The following CPQ variants were observed in gnomAD, a reference collection of about 807,000 sequenced individuals.
The protein encoded by CPQ is carboxypeptidase Q.
Under a neutral mutation model 45.7 loss-of-function variants are expected in CPQ, and 37 were observed. That is an observed-to-expected ratio of 0.81 (90% CI 0.62 to 1.07). The LOEUF is 1.07. Ranked by LOEUF, CPQ falls within the 50% of genes least tolerant of loss-of-function variation. The probability of loss-of-function intolerance (pLI) is 0.00; values close to 1 mark genes in which losing one functional copy is unlikely to be tolerated. For synonymous variants in CPQ, 186 were observed against 205.8 expected (o/e 0.90, Z 0.82); for missense variants, 537 against 572.9 (o/e 0.94, Z 0.64).
At chr8:97,047,830 G>A (rs1236817468) in intron 6 of CPQ, among the ~76,000 whole-genome samples, 6 of 152,126 alleles carry the variant, frequency 3.9e-5, no homozygotes, top group Non-Finnish European at 8.8e-5. Flanking sequence ...AAAAGACTGC[G>A]TTCAGAGCGG....
rs112525965 is a variant in CPQ at position 96,803,048 on chromosome 8, C to T, written c.433+17718C>T. The stretch of plus-strand genomic sequence containing the variant: ...GGCCTCTTTGGAGGCCAAGAAGTCT[C>T]ATGATTTACCATCTACCAGATGGAG... On this transcript the variant is annotated intron_variant, in intron 2 of 7. Coordinates refer to ENST00000220763, the MANE Select transcript of CPQ (RefSeq NM_016134.4). 1.2e-3 allele frequency among the ~76,000 whole-genome samples: 178 copies of T among 152,100 alleles called. 1 individual carries two copies. Among genetic ancestry groups the T allele is most frequent in the African/African-American group, 3.4e-3 (142 of 41,504 alleles).
Position 97,087,302 on chromosome 8 carries a change from G to A in CPQ, c.1255+21092G>A, listed in dbSNP as rs113209701. The stretch of plus-strand genomic sequence containing the variant: ...ATACACAAATTACGCGGGACAGAAG[G>A]AATGGCCTTGCACTGTGAAAAACCG... On this transcript the variant is annotated intron_variant, in intron 7 of 7. Coordinates refer to ENST00000220763, the MANE Select transcript of CPQ (RefSeq NM_016134.4). Among the ~76,000 whole-genome samples, 686 of 152,242 alleles carry A rather than the reference G, an allele frequency of 4.5e-3. 6 individuals are homozygous for A. Among genetic ancestry groups the A allele is most frequent in the African/African-American group, 0.016 (661 of 41,536 alleles).
chr8:96,843,707 T>C (rs1243378342), intron 3 of CPQ, among the ~76,000 whole-genome samples: 1 of 152,230 alleles, frequency 6.6e-6, no homozygotes, highest in East Asian at 1.9e-4. Flanking sequence ...CATCCCTTTC[T>C]CTAACATGTA....
At chr8:96,776,664 A>C (rs1480184017) in intron 1 of CPQ, among the ~76,000 whole-genome samples, 1 of 152,172 alleles carries the variant, frequency 6.6e-6, no homozygotes, top group Non-Finnish European at 1.5e-5. Context: ...ACAGTATGAG[A>C]AATGTAGGTT....
chr8:97,128,214 G>A (rs1402172535), intron 7 of CPQ, among the ~76,000 whole-genome samples: 1 of 152,196 alleles, frequency 6.6e-6, no homozygotes, highest in Non-Finnish European at 1.5e-5. Context: ...AGAGAATTAG[G>A]AAATTAGCAT....
intron 1 of CPQ, among the ~76,000 whole-genome samples, chr8:96,660,656 TG>T (rs1170937973): frequency 1.1e-3 from 168 of 151,934 alleles, no homozygotes; most frequent in African/African-American, 3.8e-3. Flanking sequence ...TGTGTGTGTG[TG>T]TGTGTGTTTA....
intron 7 of CPQ, among the ~76,000 whole-genome samples, chr8:97,115,757 A>G (rs1028955886): frequency 2.0e-5 from 3 of 152,184 alleles, no homozygotes; most frequent in Non-Finnish European, 4.4e-5. Context: ...CAAGGTTACA[A>G]ATTGGCTTTC....
At chr8:96,743,638 G>A (rs1239000686) in intron 1 of CPQ, among the ~76,000 whole-genome samples, 1 of 152,098 alleles carries the variant, frequency 6.6e-6, no homozygotes, top group Non-Finnish European at 1.5e-5. Flanking sequence ...TGATGGTGAT[G>A]TACAGATGGG....
At chr8:96,701,166 T>A (rs1809453507) in intron 1 of CPQ, among the ~76,000 whole-genome samples, 1 of 152,238 alleles carries the variant, frequency 6.6e-6, no homozygotes, top group Admixed American at 6.5e-5. Context: ...GACTTGGGTT[T>A]GAATCCTTGC....
At chr8:96,975,084 G>T (rs943947051) in intron 5 of CPQ, among the ~76,000 whole-genome samples, 2 of 151,708 alleles carry the variant, frequency 1.3e-5, no homozygotes, top group African/African-American at 2.4e-5. Flanking sequence ...AAAGATAAAT[G>T]AAACAGATAG....
chr8:96,805,845 T>C (rs1811071863), intron 2 of CPQ, among the ~76,000 whole-genome samples: 1 of 151,866 alleles, frequency 6.6e-6, no homozygotes, highest in South Asian at 2.1e-4. Flanking sequence ...ATTTCTGTAG[T>C]GATGATAGCC....
rs1811514330 is a variant in CPQ at position 96,835,197 on chromosome 8, A to T, written c.641+17A>T. ...CATCTACAGGTTTGTCACAATGTTCATTTGAATTCCTTTCAAAAACAAGGG... is the reference window on the plus strand; with the variant it reads ...CATCTACAGGTTTGTCACAATGTTCTTTTGAATTCCTTTCAAAAACAAGGG... On this transcript the variant is annotated intron_variant, in intron 3 of 7. Transcript: ENST00000220763. 2 of 1,415,858 alleles carry T rather than the reference A, an allele frequency of 1.4e-6. No individual in the cohort carries two copies. The highest frequency in any genetic ancestry group is 1.5e-5 in the African/African-American group (1 of 68,486). The allele number at this position is 1,415,858 out of a possible 1,614,324, so 87.7% of individuals were successfully genotyped here.
At chr8:96,720,495 G>A (rs1013830596) in intron 1 of CPQ, among the ~76,000 whole-genome samples, 6 of 152,186 alleles carry the variant, frequency 3.9e-5, no homozygotes, top group Admixed American at 2.0e-4. Flanking sequence ...TTGCTGGAAT[G>A]GTTCTGTGGA....
At chr8:96,747,079 T>C (rs944965490) in intron 1 of CPQ, among the ~76,000 whole-genome samples, 2 of 151,890 alleles carry the variant, frequency 1.3e-5, no homozygotes, top group African/African-American at 4.8e-5. Context: ...TCACCTGAGG[T>C]TGGGAGTTCG....
At chr8:97,018,346 A>T (rs969750792) in intron 5 of CPQ, among the ~76,000 whole-genome samples, 2 of 152,174 alleles carry the variant, frequency 1.3e-5, no homozygotes, top group Admixed American at 1.3e-4. Flanking sequence ...TCCCCCCAAA[A>T]AATCACACTA....
chr8:96,862,302 G>A (rs1337904408), intron 3 of CPQ, among the ~76,000 whole-genome samples: 1 of 151,264 alleles, frequency 6.6e-6, no homozygotes, highest in Non-Finnish European at 1.5e-5. Flanking sequence ...GTGTGTGTGT[G>A]TGTGTGTGTG....
intron 7 of CPQ, among the ~76,000 whole-genome samples, chr8:97,067,424 T>A (rs1459749939): frequency 1.3e-5 from 2 of 152,206 alleles, no homozygotes; most frequent in Non-Finnish European, 2.9e-5. Flanking sequence ...TGCCTAACAT[T>A]TGAACAGTTT....
At chr8:97,128,819 C>T (rs996655422) in intron 7 of CPQ, among the ~76,000 whole-genome samples, 6 of 152,202 alleles carry the variant, frequency 3.9e-5, no homozygotes, top group Non-Finnish European at 8.8e-5. Flanking sequence ...TCAGAAAAGG[C>T]TCAACAGCCA....
intron 5 of CPQ, among the ~76,000 whole-genome samples, chr8:97,000,526 C>T (rs762101813): frequency 1.3e-4 from 20 of 151,936 alleles, no homozygotes; most frequent in Admixed American, 1.1e-3. Flanking sequence ...TTTTTGTCAG[C>T]TTCGTTGAAG....
Sources: gnomAD v4.1 joint callset for allele counts (sites outside exome capture counted in the v4.1 genomes callset) on GRCh38, gnomAD v4.1.1 for gene constraint, MANE v1.5 for transcripts, NCBI Gene and HGNC (gene_info 2026-07-23, HGNC 2026-07-21) for gene names.